HM13: variants seen among roughly 807,000 people sequenced by gnomAD.
The protein encoded by HM13 is signal peptide peptidase.
Under a neutral mutation model 50.0 loss-of-function variants are expected in HM13, and 18 were observed. That is an observed-to-expected ratio of 0.36 (90% CI 0.25 to 0.53). The LOEUF is 0.53. HM13 is among the 20% of genes least tolerant of loss of function. The pLI is 0.90. For synonymous variants in HM13, 197 were observed against 232.6 expected (o/e 0.85, Z 1.39); for missense variants, 393 against 552.4 (o/e 0.71, Z 2.89).
chr20:31,529,130 T>A (rs1225926734), intron 2 of HM13, among the ~76,000 whole-genome samples: 1 of 152,146 alleles, frequency 6.6e-6, no homozygotes, highest in Non-Finnish European at 1.5e-5. Context: ...TGTTTTATTG[T>A]ATTTTATTTT....
At chr20:31,559,463 G>C (rs996587026) in intron 8 of HM13, 148 bp from the exon 9 acceptor site, 67 of 809,344 alleles carry the variant, frequency 8.3e-5, no homozygotes, top group Middle Eastern at 2.4e-4. Context: ...GGGACTTTCT[G>C]CTGTCACTTG....
chr20:31,564,584 A>T (rs1444735320), intron 10 of HM13, among the ~76,000 whole-genome samples: 1 of 152,092 alleles, frequency 6.6e-6, no homozygotes, highest in Non-Finnish European at 1.5e-5. Flanking sequence ...CTCAAAAAAA[A>T]AAAAATTGCT....
intron 3 of HM13, 72 bp from the exon 4 acceptor site, chr20:31,544,875 G>T (rs1983623614): frequency 8.5e-7 from 1 of 1,182,988 alleles, no homozygotes; most frequent in Non-Finnish European, 1.3e-6. Context: ...AGCTGTAAAT[G>T]GGGCAGGGGT....
chr20:31,530,671 A>C (rs917780413), intron 2 of HM13, among the ~76,000 whole-genome samples: 2 of 152,098 alleles, frequency 1.3e-5, no homozygotes, highest in Non-Finnish European at 2.9e-5. Context: ...AGCCTCCCAA[A>C]GTGCTGGGAT....
intron 2 of HM13, among the ~76,000 whole-genome samples, chr20:31,534,519 C>CA (rs1365060194): frequency 1.3e-5 from 2 of 152,200 alleles, no homozygotes; most frequent in African/African-American, 4.8e-5. Flanking sequence ...CACCGTGGCT[C>CA]ACGCCTGTAA....
At chr20:31,558,754 C>T (rs533414471) in intron 8 of HM13, among the ~76,000 whole-genome samples, 3 of 152,252 alleles carry the variant, frequency 2.0e-5, no homozygotes, top group South Asian at 2.1e-4. Flanking sequence ...GACAGAGTCT[C>T]ACTCTGTCGT....
At chr20:31,560,679 C>T (rs1984551846) in intron 9 of HM13, among the ~76,000 whole-genome samples, 1 of 152,226 alleles carries the variant, frequency 6.6e-6, no homozygotes, top group African/African-American at 2.4e-5. Context: ...ATTCAACTGC[C>T]AGCACCCTCA....
At chr20:31,544,131 A>G (rs977423126) in intron 3 of HM13, among the ~76,000 whole-genome samples, 8 of 152,238 alleles carry the variant, frequency 5.3e-5, no homozygotes, top group African/African-American at 1.9e-4. Context: ...CCAGGGAGAC[A>G]GAGCCACTGA....
intron 1 of HM13, among the ~76,000 whole-genome samples, chr20:31,525,509 C>G (rs1188765033): frequency 6.6e-6 from 1 of 152,168 alleles, no homozygotes; most frequent in Non-Finnish European, 1.5e-5. Context: ...CTGTAATGAG[C>G]CTGGCTACTA....
At position 31,544,958 on chromosome 20, in the gene HM13, A is replaced by G. The variant is rs778710357; in HGVS notation, c.377A>G (p.Asn126Ser). 1.6e-5 allele frequency: 26 copies of G among 1,614,122 alleles called. 1 individual carries two copies. The highest frequency in any genetic ancestry group is 7.7e-5 in the South Asian group (7 of 91,084). The change falls in exon 4 of 13, where the codon AAT becomes AGT. Residue 126 changes from asparagine to serine, a missense_variant. Physicochemically the swap from Asn to Ser is conservative, Grantham distance 46. This residue lies in a region of HM13 where 214 missense variants were observed against 276.1 expected (regional missense o/e 0.77). Coordinates refer to ENST00000398174, the MANE Select transcript of HM13 (RefSeq NM_178581.3). ...ALSHTISPFM[N>S]KFFPASFPNR... ...GTCTTTCCTTCCAGCCCCTTCATGA[A>G]TAAGTTTTTTCCAGCCAGCTTTCCA...
intron 7 of HM13, among the ~76,000 whole-genome samples, chr20:31,552,506 T>A (rs1984084971): frequency 6.6e-6 from 1 of 152,170 alleles, no homozygotes; most frequent in Non-Finnish European, 1.5e-5. Flanking sequence ...TTTCTGATAC[T>A]TAGGGTCTGG....
intron 4 of HM13, among the ~76,000 whole-genome samples, chr20:31,546,063 TTTTC>T: frequency 6.7e-6 from 1 of 150,334 alleles, no homozygotes; most frequent in African/African-American, 2.5e-5. Context: ...TTTTTTTTTT[TTTTC>T]GAGACAGGGT....
rs114337223 is a variant in HM13, at chr20:31,561,535, C to G, written c.846-99C>G. ...CCAGCCCAGAGCTCAGTCACCCCCC[C>G]ACAACCTCTAGGGTCTTCCCCAGCT... On this transcript the variant is annotated intron_variant, in intron 9 of 12. Coordinates refer to ENST00000398174, the MANE Select transcript of HM13 (RefSeq NM_178581.3). 1.5e-3 allele frequency: 1,207 copies of G among 825,576 alleles called. 8 individuals carry two copies. The African/African-American group carries it at 0.017, about 12-fold the overall frequency. The allele number at this position is 825,576 out of a possible 1,614,324, so 51.1% of individuals were successfully genotyped here. A position where few individuals can be genotyped will look rare whatever the true frequency, so the allele number is the denominator to read the frequency against.
chr20:31,547,742 C>A, intron 4 of HM13: 1 of 1,035,822 alleles, frequency 9.7e-7, no homozygotes, highest in Non-Finnish European at 1.5e-6. Flanking sequence ...CCTTTTTGTC[C>A]AACTCTAAGG....
intron 11 of HM13, chr20:31,567,611 AT>A (rs1600675792): frequency 6.6e-6 from 1 of 151,696 alleles, no homozygotes; most frequent in Non-Finnish European, 1.5e-5. Flanking sequence ...TGATTTACTT[AT>A]TTTTATATTG....
intron 9 of HM13, among the ~76,000 whole-genome samples, chr20:31,560,918 GC>G (rs1189779921): frequency 6.6e-6 from 1 of 152,236 alleles, no homozygotes; most frequent in South Asian, 2.1e-4. Flanking sequence ...CATAGTACTG[GC>G]TGGGCACATC....
chr20:31,558,965 C>G (rs1984462878), intron 8 of HM13, among the ~76,000 whole-genome samples: 1 of 152,152 alleles, frequency 6.6e-6, no homozygotes, highest in Non-Finnish European at 1.5e-5. Context: ...TGTCACCAGG[C>G]TGGAATGCAG....
At chr20:31,525,353 A>G (rs1325487737) in intron 1 of HM13, among the ~76,000 whole-genome samples, 3 of 152,106 alleles carry the variant, frequency 2.0e-5, no homozygotes, top group African/African-American at 7.2e-5. Context: ...CCTTCTCCAG[A>G]CACCCTCTCT....
chr20:31,554,421 G>A (rs1013966684), intron 7 of HM13, among the ~76,000 whole-genome samples: 3 of 151,788 alleles, frequency 2.0e-5, no homozygotes, highest in East Asian at 1.9e-4. Flanking sequence ...GGTGGCTCAC[G>A]CCTGTAACTC....
Sources: gnomAD v4.1 joint callset for allele counts (sites outside exome capture counted in the v4.1 genomes callset) on GRCh38, gnomAD v4.1.1 for gene constraint, gnomAD v4.1.1 regional missense constraint, MANE v1.5 for transcripts, NCBI Gene and HGNC (gene_info 2026-07-23, HGNC 2026-07-21) for gene names.